OSBPL6: variants seen among roughly 807,000 people sequenced by gnomAD.
OSBPL6 encodes oxysterol binding protein like 6, also known as oxysterol-binding protein-related protein 6.
Under a neutral mutation model 125.8 loss-of-function variants are expected in OSBPL6, and 49 were observed. That is an observed-to-expected ratio of 0.39 (90% CI 0.31 to 0.49). The LOEUF is 0.49. Among genes scored for constraint, OSBPL6 ranks in the 20% least tolerant of loss-of-function variants. The probability of loss-of-function intolerance (pLI) is 0.88; values close to 1 mark genes in which losing one functional copy is unlikely to be tolerated. For missense variants in OSBPL6, 986 were observed against 1,135.4 expected (o/e 0.87, Z 1.89); for synonymous variants, 394 against 391.8 (o/e 1.01, Z -0.07).
At position 178,383,086 on chromosome 2, in the gene OSBPL6, C is replaced by T. The variant is rs766366016; in HGVS notation, c.1684C>T (p.Pro562Ser). ...TGGGCGTCGAGCATGCCTGCCAGCT[C>T]CTTGTCCTGACACCAGTAACATTAA... ...RNGRRACLPA[P>S]CPDTSNINLW... The change falls in exon 17 of 25, where the codon CCT (proline) becomes TCT (serine). Residue 562 changes from proline to serine, a missense_variant. Physicochemically the swap from Pro to Ser is moderately conservative, Grantham distance 74. Around this residue, in one of 3 missense-constraint regions of OSBPL6, gnomAD observed 843 missense variants for 997.3 expected, o/e 0.85. Transcript: ENST00000190611. The T allele has an allele frequency of 6.2e-6, 10 of 1,614,064 alleles. No homozygotes were observed. Among genetic ancestry groups the T allele is most frequent in the African/African-American group, 1.3e-5 (1 of 74,924 alleles).
Position 178,328,874 on chromosome 2 carries a change from T to C in OSBPL6, c.318+496T>C, listed in dbSNP as rs371896258. 3.3e-5 allele frequency among the ~76,000 whole-genome samples: 5 copies of C among 152,306 alleles called. No individual in the cohort carries two copies. The East Asian group carries it at 5.8e-4, about 18-fold the overall frequency. On this transcript the variant is annotated intron_variant, in intron 5 of 24. Transcript: ENST00000190611. ...GAGACTGAGATCTGTAATATACATA[T>C]GGAGGGAAAAAAATATGTGATATTT...
chr2:178,361,647 T>C, intron 12 of OSBPL6, 35 bp from the exon 13 acceptor site: 1 of 1,610,944 alleles, frequency 6.2e-7, no homozygotes, highest in Non-Finnish European at 8.5e-7. Flanking sequence ...TCTGCACATA[T>C]CTGACAGTTT....
At chr2:178,274,296 G>A (rs1168635595) in intron 1 of OSBPL6, among the ~76,000 whole-genome samples, 1 of 150,952 alleles carries the variant, frequency 6.6e-6, no homozygotes, top group Admixed American at 6.6e-5. Flanking sequence ...AGGCTTATGT[G>A]GGCGAGGTCA....
Position 178,331,723 on chromosome 2 carries a change from T to C in OSBPL6, c.372+118T>C, listed in dbSNP as rs1689212424. 4.7e-6 allele frequency: 5 copies of C among 1,074,098 alleles called. No individual in the cohort carries two copies. In the East Asian group the frequency reaches 1.2e-4, roughly 26 times the overall value. 66.5% of individuals were successfully genotyped at this position (1,074,098 alleles called of 1,614,324 possible). A position where few individuals can be genotyped will look rare whatever the true frequency, so the allele number is the denominator to read the frequency against. On this transcript the variant is annotated intron_variant, in intron 6 of 24. Coordinates refer to ENST00000190611, the MANE Select transcript of OSBPL6 (RefSeq NM_032523.4). ...TACCAGCTTTGTGCATGTCTGGGCCTGTAAGATTTCACAAGCTCCCAAACC... is the reference window on the plus strand; with the variant it reads ...TACCAGCTTTGTGCATGTCTGGGCCCGTAAGATTTCACAAGCTCCCAAACC...
At chr2:178,281,237 G>A (rs1684141450) in intron 1 of OSBPL6, among the ~76,000 whole-genome samples, 1 of 151,944 alleles carries the variant, frequency 6.6e-6, no homozygotes, top group Non-Finnish European at 1.5e-5. Flanking sequence ...GATCTCAAAT[G>A]CTTGACCTCA....
At chr2:178,209,191 C>T (rs1389279130) in intron 1 of OSBPL6, among the ~76,000 whole-genome samples, 1 of 152,104 alleles carries the variant, frequency 6.6e-6, no homozygotes, top group East Asian at 1.9e-4. Flanking sequence ...CTTCCCCTCA[C>T]TTTTCCCTGT....
chr2:178,326,284 G>GT (rs889830966), intron 4 of OSBPL6, among the ~76,000 whole-genome samples: 3 of 151,940 alleles, frequency 2.0e-5, no homozygotes, highest in Non-Finnish European at 4.4e-5. Flanking sequence ...AAATGTCTCT[G>GT]TTTTTTCCAA....
At chr2:178,268,777 A>G (rs1303620685) in intron 1 of OSBPL6, among the ~76,000 whole-genome samples, 2 of 151,908 alleles carry the variant, frequency 1.3e-5, no homozygotes, top group Non-Finnish European at 2.9e-5. Context: ...TTTCCCAGAA[A>G]ATAGAGACAT....
In OSBPL6 at chr2:178,389,020, A is replaced by C; in HGVS notation, c.2168A>C (p.Tyr723Ser). The C allele has an allele frequency of 6.2e-7, 1 of 1,613,894 alleles. No individual in the cohort carries two copies. ...LNVMLPKYGD[Y>S]YVWNKVTTCI... ...ACATTCTTCACTAGGTATGGAGATT[A>C]CTATGTGTGGAATAAAGTCACCACT... The change falls in exon 21 of 25, where the codon TAC (tyrosine) becomes TCC (serine). Residue 723 changes from tyrosine to serine, a missense_variant. Physicochemically the swap from Tyr to Ser is moderately radical, Grantham distance 144 (BLOSUM62 -2). This residue lies in a region of OSBPL6 where 843 missense variants were observed against 997.3 expected (regional missense o/e 0.85). Coordinates refer to ENST00000190611, the MANE Select transcript of OSBPL6 (RefSeq NM_032523.4).
intron 3 of OSBPL6, among the ~76,000 whole-genome samples, chr2:178,309,973 G>C (rs1687118979): frequency 6.6e-6 from 1 of 152,210 alleles, no homozygotes; most frequent in South Asian, 2.1e-4. Flanking sequence ...CTTTTGCAAT[G>C]TGCATTACAA....
intron 1 of OSBPL6, among the ~76,000 whole-genome samples, chr2:178,276,371 G>GC (rs1264993648): frequency 1.6e-5 from 2 of 122,756 alleles, no homozygotes; most frequent in Admixed American, 8.3e-5. Flanking sequence ...ATTCTAAATG[G>GC]TTTTTTTTTT....
intron 11 of OSBPL6, among the ~76,000 whole-genome samples, chr2:178,347,459 T>C (rs2154087723): frequency 6.6e-6 from 1 of 152,252 alleles, no homozygotes; most frequent in African/African-American, 2.4e-5. Context: ...CATCCTAATC[T>C]CCAGCAACTT....
At chr2:178,354,413 C>CAA (rs913343144) in intron 12 of OSBPL6, among the ~76,000 whole-genome samples, 1 of 148,022 alleles carries the variant, frequency 6.8e-6, no homozygotes, top group African/African-American at 2.5e-5. Context: ...AAATGGAAAG[C>CAA]AAAAAAAAAG....
chr2:178,370,668 T>G lies in OSBPL6; in HGVS notation c.1288-1458T>G, dbSNP rs553212857. On this transcript the variant is annotated intron_variant, in intron 13 of 24. Coordinates refer to ENST00000190611, the MANE Select transcript of OSBPL6 (RefSeq NM_032523.4). ...CTTTTTTCCCATAAAACATTCCTGT[T>G]TTCTCAGATCGTCAGAGACATACTT... Among the ~76,000 whole-genome samples the G allele has an allele frequency of 2.0e-5, 3 of 152,314 alleles. No homozygotes were observed. The East Asian group carries it at 5.8e-4, about 29-fold the overall frequency.
At chr2:178,268,427 A>T (rs1469413310) in intron 1 of OSBPL6, among the ~76,000 whole-genome samples, 2 of 143,296 alleles carry the variant, frequency 1.4e-5, no homozygotes, top group African/African-American at 4.9e-5. Context: ...AAGTACACAC[A>T]TCTTAAATGT....
chr2:178,370,528 C>G (rs1240830465), intron 13 of OSBPL6, among the ~76,000 whole-genome samples: 1 of 152,016 alleles, frequency 6.6e-6, no homozygotes, highest in Admixed American at 6.6e-5. Flanking sequence ...TTTTCTAATT[C>G]TAAGTGTTTG....
rs1696079838 is a variant in OSBPL6, at chr2:178,400,670, T to C, written c.*5111T>C. The C allele has an allele frequency of 6.6e-6, 1 of 152,388 alleles. No individual in the cohort carries two copies. The highest frequency in any genetic ancestry group is 2.1e-4 in the South Asian group (1 of 4,834). 9.4% of individuals were successfully genotyped at this position (152,388 alleles called of 1,614,324 possible). ...TTGAACAGTACTTGATACAGTTTGA[T>C]GTATGTATATACCCTTGACATAATC... On this transcript the variant is annotated 3_prime_UTR_variant, in exon 25 of 25. Transcript: ENST00000190611.
chr2:178,328,272 A>G lies in OSBPL6; in HGVS notation c.212A>G (p.Glu71Gly). 6.2e-7 allele frequency: 1 copy of G among 1,613,794 alleles called. No individual in the cohort carries two copies. Among genetic ancestry groups the G allele is most frequent in the Non-Finnish European group, 8.5e-7 (1 of 1,179,772 alleles). ...TTCTCTCAGGAAGCTGACAGCTGGG[A>G]AATTATAGAAGGGCTGAAAATAGGC... ...VPLSKEADSW[E>G]IIEGLKIGQT... The change falls in exon 5 of 25, where the codon GAA (glutamate) becomes GGA (glycine). Residue 71 changes from glutamate to glycine, a missense_variant. Physicochemically the swap from Glu to Gly is moderately conservative, Grantham distance 98. Coordinates refer to ENST00000190611, the MANE Select transcript of OSBPL6 (RefSeq NM_032523.4).
At chr2:178,293,043 A>C (rs1041470826) in intron 2 of OSBPL6, among the ~76,000 whole-genome samples, 2 of 152,106 alleles carry the variant, frequency 1.3e-5, no homozygotes, top group East Asian at 3.9e-4. Context: ...TTAAAGTTTC[A>C]GATGAAAATG....
Sources: gnomAD v4.1 joint callset for allele counts (sites outside exome capture counted in the v4.1 genomes callset) on GRCh38, gnomAD v4.1.1 for gene constraint, gnomAD v4.1.1 regional missense constraint, MANE v1.5 for transcripts, NCBI Gene and HGNC (gene_info 2026-07-23, HGNC 2026-07-21) for gene names.